PNPLA1: variants seen among roughly 807,000 people sequenced by gnomAD.
PNPLA1 encodes the protein patatin like domain 1, omega-hydroxyceramide transacylase, also known as omega-hydroxyceramide transacylase.
PNPLA1 carries 36 observed loss-of-function variants against 51.7 expected under a neutral mutation model. The observed-to-expected ratio is 0.70, with a 90% CI of 0.53 to 0.92. PNPLA1 has a LOEUF of 0.92. PNPLA1 is among the 40% of genes least tolerant of loss of function. PNPLA1 has a pLI of 0.00. For missense variants in PNPLA1, 658 were observed against 682.5 expected, an observed-to-expected ratio of 0.96 and a Z score of 0.40; for synonymous variants, 293 against 280.1, an observed-to-expected ratio of 1.05 and a Z score of -0.46.
chr6:36,310,122 A>C (rs1389416128), intron 8 of PNPLA1, among the ~76,000 whole-genome samples: 2 of 152,148 alleles, frequency 1.3e-5, no homozygotes, highest in Non-Finnish European at 2.9e-5. Context: ...AACCCCCCAA[A>C]TCTCAGTGGA....
intron 1 of PNPLA1, among the ~76,000 whole-genome samples, chr6:36,256,440 T>C (rs1456225759): frequency 6.6e-6 from 1 of 152,010 alleles, no homozygotes; most frequent in Non-Finnish European, 1.5e-5. Flanking sequence ...TTATCCCCCA[T>C]ATATATATAT....
chr6:36,274,012 G>A (rs1489698011), intron 1 of PNPLA1, among the ~76,000 whole-genome samples: 1 of 152,118 alleles, frequency 6.6e-6, no homozygotes, highest in Non-Finnish European at 1.5e-5. Flanking sequence ...ATGTTTATGA[G>A]ACTTGTCAAT....
chr6:36,245,247 A>C (rs921177354), intron 1 of PNPLA1, among the ~76,000 whole-genome samples: 1 of 152,148 alleles, frequency 6.6e-6, no homozygotes, highest in African/African-American at 2.4e-5. Context: ...TCCCAACTGA[A>C]GTCTCTGTGC....
At position 36,291,564 on chromosome 6, in the gene PNPLA1, GGGCTGGGAGGGAGGGACACGGAGGGGGC is replaced by G; in HGVS notation, c.438+15_438+42del. 2 of 1,250,290 alleles carry G rather than the reference GGGCTGGGAGGGAGGGACACGGAGGGGGC, an allele frequency of 1.6e-6. No homozygotes were observed. Among genetic ancestry groups the G allele is most frequent in the Non-Finnish European group, 1.1e-6 (1 of 873,644 alleles). 77.4% of individuals were successfully genotyped at this position (1,250,290 alleles called of 1,614,324 possible). ...AGGAGCTCATTGAGGCAAGGGGGCT[GGGCTGGGAGGGAGGGACACGGAGGGGGC>G]GGGGGAGGGCGGCTCCTGCTCTTTC... On this transcript the variant is annotated intron_variant, in intron 2 of 8. Coordinates refer to ENST00000636260, the MANE Select transcript of PNPLA1 (RefSeq NM_001374623.1).
chr6:36,259,092 G>C (rs1386243508), intron 1 of PNPLA1, among the ~76,000 whole-genome samples: 1 of 152,134 alleles, frequency 6.6e-6, no homozygotes, highest in East Asian at 1.9e-4. Flanking sequence ...CACAGCAATG[G>C]TTCAGACCAA....
intron 1 of PNPLA1, among the ~76,000 whole-genome samples, chr6:36,282,449 C>A (rs1015250894): frequency 6.6e-6 from 1 of 152,194 alleles, no homozygotes; most frequent in Admixed American, 6.5e-5. Flanking sequence ...GATAAAGATT[C>A]ATTTTCCCCA....
chr6:36,250,991 A>C (rs1442367431), intron 1 of PNPLA1, among the ~76,000 whole-genome samples: 1 of 152,120 alleles, frequency 6.6e-6, no homozygotes, highest in African/African-American at 2.4e-5. Context: ...TGTGAGCCAC[A>C]GCGCCCGGCC....
intron 1 of PNPLA1, among the ~76,000 whole-genome samples, chr6:36,248,867 T>C (rs1000021864): frequency 7.9e-5 from 12 of 152,162 alleles, no homozygotes; most frequent in Non-Finnish European, 1.6e-4. Context: ...TTGAGTCCTA[T>C]TGAGAAGAAC....
Position 36,312,582 on chromosome 6 carries a change from G to A in PNPLA1, c.*696G>A, listed in dbSNP as rs368789542. 3.3e-4 allele frequency among the ~76,000 whole-genome samples: 51 copies of A among 152,272 alleles called. 1 individual carries two copies. The highest frequency in any genetic ancestry group is 2.9e-3 in the South Asian group (14 of 4,826). On this transcript the variant is annotated 3_prime_UTR_variant, in exon 9 of 9. Transcript: ENST00000636260. ...GAAGCTGTGAGCCGAGAGAGAGAAC[G>A]GGAGCTGGAACGGGAGAGAACCTGA...
chr6:36,250,656 A>G (rs528494371), intron 1 of PNPLA1, among the ~76,000 whole-genome samples: 14 of 152,228 alleles, frequency 9.2e-5, no homozygotes, highest in Admixed American at 2.0e-4. Flanking sequence ...TTAAGGTTTT[A>G]TAGTCTACTC....
At chr6:36,287,321 G>A (rs1303251766) in intron 1 of PNPLA1, among the ~76,000 whole-genome samples, 3 of 152,158 alleles carry the variant, frequency 2.0e-5, no homozygotes, top group African/African-American at 7.2e-5. Flanking sequence ...TATTGTGAGA[G>A]GAGGAGGAGA....
At chr6:36,260,862 C>T (rs1582035081) in intron 1 of PNPLA1, among the ~76,000 whole-genome samples, 1 of 152,182 alleles carries the variant, frequency 6.6e-6, no homozygotes, top group South Asian at 2.1e-4. Flanking sequence ...CTCTGTCACC[C>T]AGCCTGGAGT....
At chr6:36,306,122 G>A (rs960282819) in intron 6 of PNPLA1, among the ~76,000 whole-genome samples, 170 bp from the exon 7 acceptor site, 10 of 152,160 alleles carry the variant, frequency 6.6e-5, no homozygotes, top group Non-Finnish European at 1.2e-4. Flanking sequence ...GCGGGCCTGC[G>A]TCTCAGTCAA....
chr6:36,291,701 C>A, intron 2 of PNPLA1, 149 bp downstream of exon 2: 1 of 714,510 alleles, frequency 1.4e-6, no homozygotes, highest in Non-Finnish European at 2.3e-6. Context: ...TCTCGCTGTG[C>A]AAGGTGCAGT....
chr6:36,296,574 G>A (rs1770863810), intron 5 of PNPLA1, among the ~76,000 whole-genome samples: 1 of 152,184 alleles, frequency 6.6e-6, no homozygotes, highest in African/African-American at 2.4e-5. Flanking sequence ...TTAAGGGGTT[G>A]GATGAGATTT....
intron 5 of PNPLA1, among the ~76,000 whole-genome samples, chr6:36,299,344 T>G (rs1413700357): frequency 6.7e-6 from 1 of 148,994 alleles, no homozygotes; most frequent in African/African-American, 2.5e-5. Flanking sequence ...TGTTTTTTTT[T>G]TTTTTTTTGA....
upstream of PNPLA1, among the ~76,000 whole-genome samples, chr6:36,269,011 C>T (rs779725551): frequency 7.9e-5 from 12 of 151,982 alleles, no homozygotes; most frequent in Middle Eastern, 3.2e-3. Flanking sequence ...TAATCTAAAG[C>T]TCTCTTTTCA....
intron 1 of PNPLA1, among the ~76,000 whole-genome samples, chr6:36,284,875 C>G (rs892244189): frequency 2.0e-4 from 30 of 152,154 alleles, no homozygotes; most frequent in African/African-American, 7.2e-4. Context: ...ACTGAAAACT[C>G]ACTGCCCCAG....
chr6:36,265,858 C>G (rs1358521296), upstream of PNPLA1, among the ~76,000 whole-genome samples: 1 of 152,194 alleles, frequency 6.6e-6, no homozygotes, highest in Non-Finnish European at 1.5e-5. Flanking sequence ...TACCCACCCT[C>G]TGGTATTCAC....
Sources: allele counts gnomAD v4.1 joint callset (sites outside exome capture counted in the v4.1 genomes callset), GRCh38; gene constraint gnomAD v4.1.1; transcripts MANE v1.5; gene names NCBI Gene and HGNC (gene_info 2026-07-23, HGNC 2026-07-21).